The following WDR62 variants were observed in gnomAD, a reference collection of about 807,000 sequenced individuals.
WDR62 encodes the protein WD repeat domain 62.
WDR62 carries 112 observed loss-of-function variants against 160.6 expected under a neutral mutation model. The observed-to-expected ratio is 0.70, with a 90% CI of 0.60 to 0.82. The LOEUF (loss-of-function observed/expected upper bound fraction) is 0.82, where lower values mean the gene tolerates loss of function less well. WDR62 is among the 40% of genes least tolerant of loss of function. The pLI is 0.00. For synonymous variants in WDR62, 792 were observed against 815.1 expected (o/e 0.97, Z 0.48); for missense variants, 1,819 against 1,983.8 (o/e 0.92, Z 1.58).
At position 36,073,529 on chromosome 19, in the gene WDR62, G is replaced by T. The variant is rs932953063; in HGVS notation, c.1231G>T (p.Glu411Ter). 1 of 1,612,818 alleles carries T rather than the reference G, an allele frequency of 6.2e-7. No homozygotes were observed. Among genetic ancestry groups the T allele is most frequent in the South Asian group, 1.1e-5 (1 of 91,034 alleles). The change falls in exon 9 of 32, where the codon GAG becomes TAG. Residue 411 changes from glutamate (E) to a stop codon, truncating the protein, a stop_gained and splice_region_variant. Transcript: ENST00000401500. LOFTEE classifies it high-confidence loss of function. ...LFHSSYVWNV[E>*]VYPEFEDQRA... The stretch of plus-strand genomic sequence containing the variant: ...CCACAGCTCCTACGTTTGGAACGTG[G>T]AGGTGAGCCCCCCCCCCACCCCCTT...
chr19:36,061,440 A>T (rs1970641424), intron 3 of WDR62: 1 of 152,260 alleles, frequency 6.6e-6, no homozygotes, highest in South Asian at 2.1e-4. Context: ...AGGTTGGATA[A>T]GTGGACAACA....
intron 2 of WDR62, among the ~76,000 whole-genome samples, 174 bp from the exon 3 acceptor site, chr19:36,059,793 CA>C (rs1446109248): frequency 3.3e-5 from 5 of 152,104 alleles, no homozygotes; most frequent in African/African-American, 4.8e-5. Flanking sequence ...AAGAACATAG[CA>C]ATGTTAAAGT....
chr19:36,106,706 G>A (rs1973722313), downstream of WDR62, among the ~76,000 whole-genome samples: 1 of 152,246 alleles, frequency 6.6e-6, no homozygotes. Flanking sequence ...GGAATGGAGT[G>A]AGCAAGGGGA....
intron 1 of WDR62, 114 bp from the exon 2 acceptor site, chr19:36,058,666 C>T: frequency 2.6e-6 from 2 of 782,904 alleles, no homozygotes; most frequent in Non-Finnish European, 4.4e-6. Flanking sequence ...GGCGTGGCCA[C>T]AGAAGCTCAG....
intron 9 of WDR62, among the ~76,000 whole-genome samples, chr19:36,080,745 G>A (rs1303925946): frequency 9.9e-5 from 15 of 151,436 alleles, no homozygotes; most frequent in African/African-American, 3.2e-4. Context: ...ATGAGCCACC[G>A]CGCCCGGCCA....
Position 36,083,114 on chromosome 19 carries a change from A to G in WDR62, c.1423A>G (p.Met475Val), listed in dbSNP as rs140774775. The change falls in exon 11 of 32, where the codon ATG becomes GTG. Residue 475 changes from methionine (M) to valine (V), a missense_variant. Met to Val is a conservative substitution (Grantham distance 21). Around this residue, in one of 3 missense-constraint regions of WDR62, gnomAD observed 934 missense variants for 1,157.2 expected, o/e 0.81. Coordinates refer to ENST00000401500, the MANE Select transcript of WDR62 (RefSeq NM_001083961.2). The stretch of plus-strand genomic sequence containing the variant: ...GAATGACATCCAGCACCTGCAGGAC[A>G]TGTCACACTTCCCAGACCGGGGGAG... ...VENDIQHLQD[M>V]SHFPDRGSEN... 1.9e-6 allele frequency: 3 copies of G among 1,613,724 alleles called. No homozygotes were observed. The highest frequency in any genetic ancestry group is 2.2e-5 in the East Asian group (1 of 44,884).
rs773512967 is a variant in WDR62 at position 36,103,522 on chromosome 19, A to C, written c.3694A>C (p.Ile1232Leu). The change falls in exon 30 of 32, where the codon ATC becomes CTC. Residue 1232 changes from isoleucine (I) to leucine (L), a missense_variant. By Grantham distance (5) the Ile-to-Leu change is conservative. Coordinates refer to ENST00000401500, the MANE Select transcript of WDR62 (RefSeq NM_001083961.2). Reference sequence around the variant, plus strand: ...CTCCCGTGCCAGGATATCACGCAGCATCTCCCTCGGTGACAGTGAGGGCCC... The same window carrying C: ...CTCCCGTGCCAGGATATCACGCAGCCTCTCCCTCGGTGACAGTGAGGGCCC... ...ASSRARISRS[I>L]SLGDSEGPIV... 1 of 1,613,998 alleles carries C rather than the reference A, an allele frequency of 6.2e-7. No homozygotes were observed. The highest frequency in any genetic ancestry group is 2.2e-5 in the East Asian group (1 of 44,856).
intron 21 of WDR62, among the ~76,000 whole-genome samples, chr19:36,098,442 A>G (rs1324608368): frequency 6.6e-6 from 1 of 151,914 alleles, no homozygotes; most frequent in Non-Finnish European, 1.5e-5. Flanking sequence ...GTGCATGCCT[A>G]TAGTCCCAAC....
At chr19:36,078,214 C>T (rs1971690799) in intron 9 of WDR62, among the ~76,000 whole-genome samples, 1 of 150,252 alleles carries the variant, frequency 6.7e-6, no homozygotes, top group Admixed American at 6.6e-5. Flanking sequence ...GTGGTATGAT[C>T]TCCGCTCACT....
chr19:36,056,431 T>A (rs1348859791), intron 1 of WDR62, among the ~76,000 whole-genome samples: 1 of 152,188 alleles, frequency 6.6e-6, no homozygotes, highest in Non-Finnish European at 1.5e-5. Context: ...CCATATTCTT[T>A]TCTGCCTCCT....
At chr19:36,090,968 G>T (rs915456812) in intron 16 of WDR62, among the ~76,000 whole-genome samples, 8 of 152,264 alleles carry the variant, frequency 5.3e-5, no homozygotes, top group Non-Finnish European at 1.2e-4. Flanking sequence ...TCATAGACTT[G>T]TTCTCTGGAG....
In WDR62 at chr19:36,059,948, A is replaced by T; in HGVS notation, c.270-20A>T. 3.7e-6 allele frequency: 6 copies of T among 1,614,076 alleles called. No individual in the cohort carries two copies. Among genetic ancestry groups the T allele is most frequent in the Non-Finnish European group, 5.1e-6 (6 of 1,179,998 alleles). On this transcript the variant is annotated intron_variant, in intron 2 of 31. Transcript: ENST00000401500. Reference sequence around the variant, plus strand: ...CCAACACTCCCCACAGTTGAGGCACATTTTCCTCTTTCTTCCCAGCTGTGT... The same window carrying T: ...CCAACACTCCCCACAGTTGAGGCACTTTTTCCTCTTTCTTCCCAGCTGTGT...
rs562993441 is a variant in WDR62, at chr19:36,084,637, G to A, written c.1551-16G>A. Reference sequence around the variant, plus strand: ...GCTGGGGTGTGGGGCTTCAGCGGGCGGTGTGTGTCTCCCAGGATCCACGAG... The same window carrying A: ...GCTGGGGTGTGGGGCTTCAGCGGGCAGTGTGTGTCTCCCAGGATCCACGAG... On this transcript the variant is annotated splice_polypyrimidine_tract_variant and intron_variant, in intron 11 of 31. Coordinates refer to ENST00000401500, the MANE Select transcript of WDR62 (RefSeq NM_001083961.2). 1.5e-5 allele frequency: 24 copies of A among 1,613,096 alleles called. No homozygotes were observed. The Admixed American group carries it at 2.0e-4, about 13-fold the overall frequency.
At chr19:36,096,441 C>T (rs1972959628) in intron 20 of WDR62, among the ~76,000 whole-genome samples, 1 of 152,126 alleles carries the variant, frequency 6.6e-6, no homozygotes, top group Non-Finnish European at 1.5e-5. Context: ...CGCAGTGGCT[C>T]ACACCTGTAA....
intron 5 of WDR62, among the ~76,000 whole-genome samples, 160 bp from the exon 6 acceptor site, chr19:36,067,146 G>A (rs1292781290): frequency 2.0e-5 from 3 of 152,198 alleles, no homozygotes; most frequent in African/African-American, 7.2e-5. Flanking sequence ...GAATGAGCAG[G>A]GTGCCCCACA....
chr19:36,060,113 C>T, intron 3 of WDR62, 83 bp downstream of exon 3: 1 of 1,366,640 alleles, frequency 7.3e-7, no homozygotes, highest in Non-Finnish European at 1.0e-6. Context: ...TGGAGATACT[C>T]ATGGGTAGGT....
Position 36,092,763 on chromosome 19 carries a change from GGCAGCA to G in WDR62, c.2295_2300del (p.Gln765_Gln766del). ...CAGCACTTGCTGGAGATTGACCACC[GGCAGCA>G]GCAGCAGCACACAAATGACAAGAAG... On this transcript the variant is annotated inframe_deletion, in exon 19 of 32. Coordinates refer to ENST00000401500, the MANE Select transcript of WDR62 (RefSeq NM_001083961.2). The G allele has an allele frequency of 6.2e-7, 1 of 1,613,264 alleles. No homozygotes were observed. Among genetic ancestry groups the G allele is most frequent in the East Asian group, 2.2e-5 (1 of 44,888 alleles).
intron 9 of WDR62, chr19:36,076,068 A>G (rs554234887): frequency 2.0e-5 from 3 of 152,242 alleles, no homozygotes; most frequent in African/African-American, 7.2e-5. Context: ...TATTGTAATT[A>G]TTAACTTTAT....
At chr19:36,087,921 A>C (rs576390848) in intron 13 of WDR62, among the ~76,000 whole-genome samples, 1 of 152,208 alleles carries the variant, frequency 6.6e-6, no homozygotes, top group South Asian at 2.1e-4. Flanking sequence ...GATAGCAGAG[A>C]CTGTTCTAAT....
Sources: gnomAD v4.1 joint callset for allele counts (sites outside exome capture counted in the v4.1 genomes callset) on GRCh38, gnomAD v4.1.1 for gene constraint, gnomAD v4.1.1 regional missense constraint, MANE v1.5 for transcripts, NCBI Gene and HGNC (gene_info 2026-07-23, HGNC 2026-07-21) for gene names.